The following GRSF1 variants were observed in gnomAD, a reference collection of about 807,000 sequenced individuals.
GRSF1 encodes G-rich RNA sequence binding factor 1.
In GRSF1, 50 loss-of-function variants were observed where a neutral mutation model predicts 51.1. That is an observed-to-expected ratio of 0.98 (90% CI 0.78 to 1.24). The LOEUF is 1.24. Among genes scored for constraint, GRSF1 ranks in the 50% most tolerant of loss-of-function variants. GRSF1 has a pLI of 0.00. For missense variants in GRSF1, 700 were observed against 639.7 expected (o/e 1.09, Z -1.02); for synonymous variants, 293 against 253.3 (o/e 1.16, Z -1.49).
At chr4:70,831,109 G>A (rs994407747) in intron 5 of GRSF1, among the ~76,000 whole-genome samples, 12 of 152,128 alleles carry the variant, frequency 7.9e-5, no homozygotes, top group Non-Finnish European at 1.3e-4. Flanking sequence ...TGTAATCCCA[G>A]CACTTTGGGA....
At chr4:70,826,390 TCAACA>T in intron 6 of GRSF1, 145 bp from the exon 7 acceptor site, 1 of 629,916 alleles carries the variant, frequency 1.6e-6, no homozygotes, top group South Asian at 2.3e-5. Context: ...TTTCTGCCAC[TCAACA>T]AATATCACCT....
intron 5 of GRSF1, among the ~76,000 whole-genome samples, chr4:70,829,239 T>C (rs1733862638): frequency 1.3e-5 from 2 of 152,114 alleles, no homozygotes; most frequent in Non-Finnish European, 2.9e-5. Flanking sequence ...GTTATAAAAC[T>C]AGCTTGTGTT....
In GRSF1 at chr4:70,818,499, G is replaced by A. The variant is rs1268475322; in HGVS notation, c.*2388C>T. The stretch of plus-strand genomic sequence containing the variant: ...GTGAGAATTTGGAGCCTTCCTCCCA[G>A]GGAAGATTCGGTCCCCCTTCCCACA... On this transcript the variant is annotated 3_prime_UTR_variant, in exon 10 of 10. Transcript: ENST00000254799. 6.6e-6 allele frequency: 1 copy of A among 152,092 alleles called. No homozygotes were observed. The highest frequency in any genetic ancestry group is 2.4e-5 in the African/African-American group (1 of 41,416). 9.4% of individuals were successfully genotyped at this position (152,092 alleles called of 1,614,324 possible). A position where few individuals can be genotyped will look rare whatever the true frequency, so the allele number is the denominator to read the frequency against.
chr4:70,824,378 A>T lies in GRSF1; in HGVS notation c.1394-10T>A. On this transcript the variant is annotated splice_polypyrimidine_tract_variant and intron_variant, in intron 8 of 9. Coordinates refer to ENST00000254799, the MANE Select transcript of GRSF1 (RefSeq NM_002092.4). ...TCAATATACCTATGATCTGAGGATA[A>T]TGAGAAAGATTAGTTTTAAAAAGTT... 1.4e-6 allele frequency: 2 copies of T among 1,385,438 alleles called. No individual in the cohort carries two copies. The highest frequency in any genetic ancestry group is 1.2e-5 in the South Asian group (1 of 81,798). The allele number at this position is 1,385,438 out of a possible 1,614,324, so 85.8% of individuals were successfully genotyped here.
chr4:70,834,807 G>A (rs1183164500), intron 2 of GRSF1, among the ~76,000 whole-genome samples: 2 of 151,922 alleles, frequency 1.3e-5, no homozygotes, highest in Non-Finnish European at 2.9e-5. Flanking sequence ...GTATTTTTAG[G>A]AGAGATGGGG....
At chr4:70,830,461 A>AACAC (rs952612895) in intron 5 of GRSF1, among the ~76,000 whole-genome samples, 3 of 150,672 alleles carry the variant, frequency 2.0e-5, no homozygotes, top group African/African-American at 4.9e-5. Context: ...AAAAAAAAAA[A>AACAC]ACACACACAC....
At chr4:70,841,874 A>G (rs1734467591), upstream of GRSF1, among the ~76,000 whole-genome samples, 1 of 152,232 alleles carries the variant, frequency 6.6e-6, no homozygotes, top group South Asian at 2.1e-4. Context: ...TCATTTTTAT[A>G]CAAAAACAGG....
At chr4:70,825,582 T>C in intron 7 of GRSF1, 151 bp from the exon 8 acceptor site, 1 of 499,734 alleles carries the variant, frequency 2.0e-6, no homozygotes, top group Non-Finnish European at 3.4e-6. Context: ...TATATTTATA[T>C]ATCTAGTATG....
chr4:70,830,888 A>G (rs972698075), intron 5 of GRSF1, among the ~76,000 whole-genome samples: 2 of 152,216 alleles, frequency 1.3e-5, no homozygotes, highest in African/African-American at 4.8e-5. Context: ...ATTAGATAAT[A>G]TACTATTGCT....
chr4:70,820,980 A>T (rs1370531976), intron 9 of GRSF1, 119 bp from the exon 10 acceptor site: 1 of 152,306 alleles, frequency 6.6e-6, no homozygotes, highest in Non-Finnish European at 1.5e-5. Context: ...AGTGCAAGCT[A>T]TCTGATAAAC....
rs957418396 is a variant in GRSF1 at position 70,832,332 on chromosome 4, C to T, written c.789G>A (p.Glu263=). Residue 263 remains glutamate (E), a synonymous_variant, in exon 4 of 10, where the codon GAG becomes GAA. Coordinates refer to ENST00000254799, the MANE Select transcript of GRSF1 (RefSeq NM_002092.4). ...RLRGLPYSCN[E]KDIVDFFAGL... is the part of the protein sequence containing the mutation. Reference sequence around the variant, plus strand: ...CTGCAAAGAAGTCTACAATGTCTTTCTCATTGCAACTATAAGGAAGTCCTC... The same window carrying T: ...CTGCAAAGAAGTCTACAATGTCTTTTTCATTGCAACTATAAGGAAGTCCTC... 6.2e-7 allele frequency: 1 copy of T among 1,613,574 alleles called. No homozygotes were observed. Among genetic ancestry groups the T allele is most frequent in the Non-Finnish European group, 8.5e-7 (1 of 1,179,568 alleles).
chr4:70,833,972 T>C (rs1012302365), intron 2 of GRSF1, among the ~76,000 whole-genome samples: 6 of 152,182 alleles, frequency 3.9e-5, no homozygotes, highest in African/African-American at 1.4e-4. Flanking sequence ...AAAAAATTAA[T>C]GAAATAGCCA....
chr4:70,824,578 A>C (rs1560594391), intron 8 of GRSF1, among the ~76,000 whole-genome samples: 1 of 152,052 alleles, frequency 6.6e-6, no homozygotes, highest in Admixed American at 6.6e-5. Flanking sequence ...TGAGGTAAGG[A>C]GTTCAAGCCA....
At chr4:70,827,113 C>T (rs546414494) in intron 6 of GRSF1, among the ~76,000 whole-genome samples, 32 of 152,074 alleles carry the variant, frequency 2.1e-4, no homozygotes, top group Admixed American at 5.2e-4. Context: ...CACGGGGAAA[C>T]CCCGTCTCTA....
upstream of GRSF1, among the ~76,000 whole-genome samples, chr4:70,842,762 A>C (rs1357410189): frequency 6.6e-6 from 1 of 152,332 alleles, no homozygotes; most frequent in East Asian, 1.9e-4. Context: ...TCTATAACAT[A>C]AAAATCTGAA....
intron 9 of GRSF1, among the ~76,000 whole-genome samples, chr4:70,822,008 T>C (rs889399648): frequency 3.3e-5 from 5 of 151,770 alleles, no homozygotes; most frequent in Non-Finnish European, 7.4e-5. Flanking sequence ...TACAGGTAAG[T>C]GTCTCAAAAG....
intron 8 of GRSF1, among the ~76,000 whole-genome samples, 151 bp from the exon 9 acceptor site, chr4:70,824,519 C>T (rs1341837792): frequency 2.0e-5 from 3 of 152,076 alleles, no homozygotes; most frequent in South Asian, 2.1e-4. Flanking sequence ...CGGTGGCTCA[C>T]GCCTATTGTA....
chr4:70,828,421 A>T (rs1424408275), intron 5 of GRSF1, among the ~76,000 whole-genome samples: 3 of 152,238 alleles, frequency 2.0e-5, no homozygotes, highest in Non-Finnish European at 4.4e-5. Flanking sequence ...TGTGCAAATT[A>T]ATCATATCTG....
At chr4:70,830,918 T>C (rs969682960) in intron 5 of GRSF1, among the ~76,000 whole-genome samples, 4 of 152,044 alleles carry the variant, frequency 2.6e-5, no homozygotes, top group African/African-American at 7.2e-5. Flanking sequence ...AGATATAACA[T>C]TGAAATTATG....
Sources: allele counts gnomAD v4.1 joint callset (sites outside exome capture counted in the v4.1 genomes callset), GRCh38; gene constraint gnomAD v4.1.1; transcripts MANE v1.5; gene names NCBI Gene and HGNC (gene_info 2026-07-23, HGNC 2026-07-21).